ST6GALNAC5: variants seen among roughly 807,000 people sequenced by gnomAD.
The protein encoded by ST6GALNAC5 is ST6 N-acetylgalactosaminide alpha-2,6-sialyltransferase 5.
A neutral mutation model predicts 33.6 loss-of-function variants in ST6GALNAC5; 27 were observed. That is an observed-to-expected ratio of 0.80 (90% confidence interval 0.59 to 1.11). The LOEUF (loss-of-function observed/expected upper bound fraction) is 1.11. Ranked by LOEUF, ST6GALNAC5 falls within the 50% of genes least tolerant of loss-of-function variation. ST6GALNAC5 has a pLI of 0.00. For synonymous variants in ST6GALNAC5, 194 were observed against 171.2 expected (o/e 1.13, Z -1.04); for missense variants, 428 against 454.0 (o/e 0.94, Z 0.52).
intron 2 of ST6GALNAC5, among the ~76,000 whole-genome samples, chr1:76,901,737 T>A (rs1355551435): frequency 6.6e-6 from 1 of 152,206 alleles, no homozygotes; most frequent in African/African-American, 2.4e-5. Flanking sequence ...GCAAATAAAA[T>A]TCTGTTTATT....
chr1:76,906,759 T>C (rs1344804963), intron 2 of ST6GALNAC5, among the ~76,000 whole-genome samples: 2 of 152,146 alleles, frequency 1.3e-5, no homozygotes, highest in Non-Finnish European at 2.9e-5. Context: ...ATATCTCAAC[T>C]CCGGGTCTCC....
intron 2 of ST6GALNAC5, among the ~76,000 whole-genome samples, chr1:77,017,100 G>GA (rs1395355905): frequency 8.1e-6 from 1 of 124,134 alleles, no homozygotes; most frequent in Non-Finnish European, 1.6e-5. Flanking sequence ...CATGAAGGGA[G>GA]AAAAAAGCCA....
At chr1:76,969,848 T>C (rs911468133) in intron 2 of ST6GALNAC5, among the ~76,000 whole-genome samples, 2 of 152,050 alleles carry the variant, frequency 1.3e-5, no homozygotes, top group Non-Finnish European at 2.9e-5. Flanking sequence ...TGGGCAGCAA[T>C]ATTTGCTGTT....
At chr1:77,005,094 G>C (rs564781686) in intron 2 of ST6GALNAC5, among the ~76,000 whole-genome samples, 1 of 151,836 alleles carries the variant, frequency 6.6e-6, no homozygotes, top group South Asian at 2.1e-4. Context: ...CCCCAGCCTC[G>C]CTGCCACCTT....
chr1:77,009,103 CACA>C (rs1650534445), intron 2 of ST6GALNAC5, among the ~76,000 whole-genome samples: 1 of 152,186 alleles, frequency 6.6e-6, no homozygotes, highest in African/African-American at 2.4e-5. Context: ...CCACCACCAC[CACA>C]ACAATAAAAA....
At chr1:77,036,384 T>A (rs1651646799) in intron 2 of ST6GALNAC5, among the ~76,000 whole-genome samples, 1 of 152,204 alleles carries the variant, frequency 6.6e-6, no homozygotes, top group Non-Finnish European at 1.5e-5. Context: ...TTATTTTTAA[T>A]TCATGTTTTA....
chr1:76,956,672 T>C (rs858598), intron 2 of ST6GALNAC5, among the ~76,000 whole-genome samples: 85,369 of 151,950 alleles, frequency 0.56, 25,573 homozygotes, highest in African/African-American at 0.78. Flanking sequence ...GTCCCATTAT[T>C]CTCTTTCTAG....
intron 2 of ST6GALNAC5, among the ~76,000 whole-genome samples, chr1:76,964,261 C>A (rs983108758): frequency 6.6e-6 from 1 of 152,168 alleles, no homozygotes; most frequent in Non-Finnish European, 1.5e-5. Context: ...GTCTGAAGTA[C>A]TTACTGCAGT....
chr1:76,964,740 T>G (rs978061456), intron 2 of ST6GALNAC5, among the ~76,000 whole-genome samples: 1 of 152,166 alleles, frequency 6.6e-6, no homozygotes, highest in Non-Finnish European at 1.5e-5. Flanking sequence ...GTATTTCTCC[T>G]AATGCTATCC....
chr1:77,000,907 G>A (rs1326156780), intron 2 of ST6GALNAC5, among the ~76,000 whole-genome samples: 1 of 152,046 alleles, frequency 6.6e-6, no homozygotes. Flanking sequence ...TTGTAATATA[G>A]TTTGAAGTCA....
intron 4 of ST6GALNAC5, among the ~76,000 whole-genome samples, chr1:77,051,865 G>A (rs574934761): frequency 2.6e-4 from 39 of 152,236 alleles, no homozygotes; most frequent in African/African-American, 9.4e-4. Flanking sequence ...ATGCAATATT[G>A]CCATTAGGAT....
At chr1:76,980,335 G>A (rs1255055644) in intron 2 of ST6GALNAC5, among the ~76,000 whole-genome samples, 3 of 152,006 alleles carry the variant, frequency 2.0e-5, no homozygotes, top group Non-Finnish European at 4.4e-5. Flanking sequence ...ATTGTTTTCT[G>A]AATTTTGTTA....
intron 2 of ST6GALNAC5, among the ~76,000 whole-genome samples, chr1:76,894,451 G>A (rs1409317805): frequency 6.6e-6 from 1 of 151,988 alleles, no homozygotes; most frequent in Non-Finnish European, 1.5e-5. Context: ...CAGGTAGCAT[G>A]GGAGGTTGGA....
At chr1:77,051,468 AC>A (rs1189945307) in intron 4 of ST6GALNAC5, among the ~76,000 whole-genome samples, 1 of 152,168 alleles carries the variant, frequency 6.6e-6, no homozygotes, top group African/African-American at 2.4e-5. Context: ...CTGGTCACTT[AC>A]CCACCTAGTA....
chr1:77,035,772 G>A (rs1651624523), intron 2 of ST6GALNAC5, among the ~76,000 whole-genome samples: 1 of 152,220 alleles, frequency 6.6e-6, no homozygotes, highest in African/African-American at 2.4e-5. Context: ...ACTAAGTGAT[G>A]ACAAGGATGT....
At chr1:76,920,603 C>A (rs775991705) in intron 2 of ST6GALNAC5, among the ~76,000 whole-genome samples, 6 of 152,108 alleles carry the variant, frequency 3.9e-5, no homozygotes, top group Admixed American at 6.6e-5. Context: ...ATAGAAGTTC[C>A]CACTCTTACC....
chr1:77,002,234 G>A (rs868095270), intron 2 of ST6GALNAC5, among the ~76,000 whole-genome samples: 5 of 152,198 alleles, frequency 3.3e-5, no homozygotes, highest in African/African-American at 7.2e-5. Context: ...TGTATGTGTC[G>A]AGGAATTTAT....
At chr1:77,037,812 A>C (rs184350798) in intron 2 of ST6GALNAC5, among the ~76,000 whole-genome samples, 95 of 152,254 alleles carry the variant, frequency 6.2e-4, no homozygotes, top group Non-Finnish European at 1.0e-3. Flanking sequence ...AGGGATGGTG[A>C]GAAGTGGTAG....
chr1:76,993,034 C>G lies in ST6GALNAC5; in HGVS notation c.262-51170C>G, dbSNP rs539833543. Among the ~76,000 whole-genome samples the G allele has an allele frequency of 1.2e-3, 184 of 152,244 alleles. 2 individuals are homozygous for G. Among genetic ancestry groups the G allele is most frequent in the African/African-American group, 4.4e-3 (181 of 41,550 alleles). On this transcript the variant is annotated intron_variant, in intron 2 of 4. Coordinates refer to ENST00000477717, the MANE Select transcript of ST6GALNAC5 (RefSeq NM_030965.3). ...TTTTCAGCCTCATTTCCTGCCTTACCCATCCACTCACTTAGAACTTGGATT... is the reference window on the plus strand; with the variant it reads ...TTTTCAGCCTCATTTCCTGCCTTACGCATCCACTCACTTAGAACTTGGATT...
Sources: gnomAD v4.1 joint callset for allele counts (sites outside exome capture counted in the v4.1 genomes callset) on GRCh38, gnomAD v4.1.1 for gene constraint, MANE v1.5 for transcripts, NCBI Gene and HGNC (gene_info 2026-07-23, HGNC 2026-07-21) for gene names.